The following PDE1C variants were observed in gnomAD, a reference collection of about 807,000 sequenced individuals.
PDE1C encodes the protein phosphodiesterase 1C.
A neutral mutation model predicts 93.1 loss-of-function variants in PDE1C; 62 were observed. The observed-to-expected ratio is 0.67, with a 90% confidence interval of 0.54 to 0.82. The LOEUF is 0.82. PDE1C is among the 40% of genes least tolerant of loss of function. The pLI, the probability that PDE1C is intolerant of heterozygous loss-of-function variation, is 0.00. For missense variants in PDE1C, 742 were observed against 884.6 expected, an observed-to-expected ratio of 0.84 and a Z score of 2.04; for synonymous variants, 325 against 310.1, an observed-to-expected ratio of 1.05 and a Z score of -0.50.
chr7:32,382,007 A>T (rs1425917128), intron 1 of PDE1C, among the ~76,000 whole-genome samples: 1 of 152,194 alleles, frequency 6.6e-6, no homozygotes, highest in East Asian at 1.9e-4. Context: ...TGAATTCTTG[A>T]AAGAGACCAT....
At chr7:31,808,789 A>C (rs1330370451) in intron 16 of PDE1C, among the ~76,000 whole-genome samples, 3 of 151,996 alleles carry the variant, frequency 2.0e-5, no homozygotes, top group Non-Finnish European at 4.4e-5. Context: ...AATGGCAAGT[A>C]GGAAAAGAAA....
At chr7:32,241,154 A>G (rs1474822421) in intron 1 of PDE1C, among the ~76,000 whole-genome samples, 1 of 152,180 alleles carries the variant, frequency 6.6e-6, no homozygotes, top group Admixed American at 6.5e-5. Flanking sequence ...TCAAATAGTC[A>G]ATTAGATACA....
the PDE1C span, among the ~76,000 whole-genome samples, chr7:31,736,586 T>G: frequency 6.6e-6 from 1 of 152,072 alleles, no homozygotes; most frequent in African/African-American, 2.4e-5. Flanking sequence ...GCAGGAAAAA[T>G]TGTCACATTG....
chr7:31,818,431 G>A (rs536358251), intron 14 of PDE1C, among the ~76,000 whole-genome samples: 1 of 152,234 alleles, frequency 6.6e-6, no homozygotes, highest in South Asian at 2.1e-4. Flanking sequence ...TGAATTCCCA[G>A]TGCTTAGCAT....
At chr7:32,017,784 A>G (rs1482786260) in intron 2 of PDE1C, among the ~76,000 whole-genome samples, 1 of 152,198 alleles carries the variant, frequency 6.6e-6, no homozygotes, top group Non-Finnish European at 1.5e-5. Context: ...AATACAAATC[A>G]AAACCACAAT....
At chr7:31,930,267 T>C (rs1185056866) in intron 2 of PDE1C, among the ~76,000 whole-genome samples, 2 of 152,146 alleles carry the variant, frequency 1.3e-5, no homozygotes, top group Non-Finnish European at 2.9e-5. Flanking sequence ...CAGTAATTAA[T>C]AGACTACCAA....
the PDE1C span, among the ~76,000 whole-genome samples, chr7:31,625,191 C>T: frequency 1.3e-5 from 2 of 152,054 alleles, no homozygotes; most frequent in African/African-American, 4.8e-5. Context: ...TAAACTAGTT[C>T]AACCATTGTG....
At chr7:32,115,980 G>A (rs1295124091) in intron 3 of PDE1C, among the ~76,000 whole-genome samples, 1 of 152,140 alleles carries the variant, frequency 6.6e-6, no homozygotes, top group Non-Finnish European at 1.5e-5. Flanking sequence ...AATGGCATGG[G>A]TGAAAGAGGT....
chr7:31,870,419 A>G (rs1258443312), intron 6 of PDE1C, among the ~76,000 whole-genome samples: 2 of 152,064 alleles, frequency 1.3e-5, no homozygotes, highest in African/African-American at 4.8e-5. Flanking sequence ...GAAAAGGGAG[A>G]TATTACAACT....
chr7:32,139,384 G>C (rs1299640589), intron 3 of PDE1C, among the ~76,000 whole-genome samples: 1 of 134,346 alleles, frequency 7.4e-6, no homozygotes, highest in Non-Finnish European at 1.5e-5. Context: ...CTTTAGACAT[G>C]ATTTAGTGAG....
At chr7:31,616,851 C>A in the PDE1C span, among the ~76,000 whole-genome samples, 1 of 151,242 alleles carries the variant, frequency 6.6e-6, no homozygotes, top group Non-Finnish European at 1.5e-5. Flanking sequence ...GATATCCAAA[C>A]CTCTCTTAAC....
intron 1 of PDE1C, among the ~76,000 whole-genome samples, chr7:32,272,805 G>A (rs755117799): frequency 5.9e-5 from 9 of 152,190 alleles, no homozygotes; most frequent in Admixed American, 1.3e-4. Flanking sequence ...TGCTGAGGCA[G>A]CCATATTGCC....
At chr7:32,381,754 C>G (rs926071955) in intron 1 of PDE1C, among the ~76,000 whole-genome samples, 1 of 152,222 alleles carries the variant, frequency 6.6e-6, no homozygotes, top group Admixed American at 6.5e-5. Context: ...GCCTGCCTTA[C>G]ATATTATCCT....
At chr7:31,642,690 C>T in the PDE1C span, 1 of 1,613,230 alleles carries the variant, frequency 6.2e-7, no homozygotes, top group African/African-American at 1.3e-5. Context: ...AGATGCCTTC[C>T]TTGCCAAACA....
chr7:31,640,796 T>C, the PDE1C span, among the ~76,000 whole-genome samples: 1 of 152,188 alleles, frequency 6.6e-6, no homozygotes, highest in South Asian at 2.1e-4. Flanking sequence ...CTTAACTGTG[T>C]AACAAGAGGC....
intron 2 of PDE1C, among the ~76,000 whole-genome samples, chr7:31,882,791 T>C (rs1390211193): frequency 2.6e-5 from 4 of 151,722 alleles, no homozygotes; most frequent in African/African-American, 9.7e-5. Flanking sequence ...ATGAGAAAAA[T>C]TATAAGAGTA....
intron 2 of PDE1C, among the ~76,000 whole-genome samples, chr7:31,966,933 C>A (rs913219746): frequency 6.6e-6 from 1 of 151,946 alleles, no homozygotes; most frequent in African/African-American, 2.4e-5. Flanking sequence ...CACAACATAC[C>A]AGAATCTCTG....
intron 14 of PDE1C, among the ~76,000 whole-genome samples, chr7:31,819,576 T>C (rs1429324384): frequency 6.6e-6 from 1 of 152,002 alleles, no homozygotes; most frequent in Non-Finnish European, 1.5e-5. Flanking sequence ...AGACTGTCTG[T>C]GGTGTTGGGA....
At chr7:31,984,437 G>A (rs1477442089) in intron 2 of PDE1C, among the ~76,000 whole-genome samples, 1 of 152,166 alleles carries the variant, frequency 6.6e-6, no homozygotes, top group African/African-American at 2.4e-5. Flanking sequence ...AGACTGCTGG[G>A]CTAGATCATC....
Sources: allele counts gnomAD v4.1 joint callset (sites outside exome capture counted in the v4.1 genomes callset), GRCh38; gene constraint gnomAD v4.1.1; transcripts MANE v1.5; gene names NCBI Gene and HGNC (gene_info 2026-07-23, HGNC 2026-07-21).